GRM7: variants seen among roughly 807,000 people sequenced by gnomAD.
GRM7 encodes glutamate metabotropic receptor 7.
A neutral mutation model predicts 84.5 loss-of-function variants in GRM7; 35 were observed. That is an observed-to-expected ratio of 0.41 (90% CI 0.32 to 0.55). The LOEUF (loss-of-function observed/expected upper bound fraction) is 0.55. Among genes scored for constraint, GRM7 ranks in the 20% least tolerant of loss-of-function variants. The pLI is 0.19. For missense variants in GRM7, 1,003 were observed against 1,194.6 expected (o/e 0.84, Z 2.36); for synonymous variants, 487 against 455.1 (o/e 1.07, Z -0.89).
chr3:7,559,451 G>A (rs572677939), intron 7 of GRM7: 1 of 151,914 alleles, frequency 6.6e-6, no homozygotes, highest in Non-Finnish European at 1.5e-5. Context: ...CTCAGCCCTG[G>A]GTGCACATAA....
intron 8 of GRM7, among the ~76,000 whole-genome samples, chr3:7,590,197 T>G (rs1004896466): frequency 1.3e-4 from 20 of 152,132 alleles, no homozygotes; most frequent in African/African-American, 4.8e-4. Flanking sequence ...ATCACTTGCT[T>G]TTTCAAAAAC....
rs569576900 is a variant in GRM7 at position 6,922,282 on chromosome 3, G to C, written c.519+60375G>C. ...AGTTCCAGATAGAAATGAACAACCA[G>C]GAAGACGCTTGAAATGCTCTTATTT... is the stretch of plus-strand genomic sequence containing the variant. On this transcript the variant is annotated intron_variant, in intron 1 of 9. Coordinates refer to ENST00000357716, the MANE Select transcript of GRM7 (RefSeq NM_000844.4). 2.0e-5 allele frequency among the ~76,000 whole-genome samples: 3 copies of C among 152,330 alleles called. No homozygotes were observed. The South Asian group carries it at 6.2e-4, about 32-fold the overall frequency.
chr3:7,739,444 A>G (rs924940944), intron 9 of GRM7, among the ~76,000 whole-genome samples: 1 of 152,208 alleles, frequency 6.6e-6, no homozygotes, highest in Non-Finnish European at 1.5e-5. Flanking sequence ...ATGCTACACA[A>G]AAGTTACTCT....
chr3:7,504,916 G>GTCCAAAT (rs1284245255), intron 7 of GRM7, among the ~76,000 whole-genome samples: 1 of 152,066 alleles, frequency 6.6e-6, no homozygotes, highest in Admixed American at 6.6e-5. Flanking sequence ...AAAGTCCAAA[G>GTCCAAAT]TCCAGAGTCT....
chr3:7,322,835 A>C (rs1378055147), intron 4 of GRM7, among the ~76,000 whole-genome samples: 6 of 151,992 alleles, frequency 3.9e-5, no homozygotes, highest in Middle Eastern at 3.2e-3. Flanking sequence ...TGAAGCACAA[A>C]ATTCGTTATC....
chr3:7,599,308 G>A (rs55697389), intron 8 of GRM7, among the ~76,000 whole-genome samples: 26,263 of 151,908 alleles, frequency 0.17, 2,565 homozygotes, highest in Middle Eastern at 0.27. Context: ...ATATCTTTTT[G>A]TTAGTCTGTT....
At chr3:7,739,634 C>T (rs1232122271) in intron 9 of GRM7, among the ~76,000 whole-genome samples, 1 of 152,158 alleles carries the variant, frequency 6.6e-6, no homozygotes, top group Non-Finnish European at 1.5e-5. Context: ...ATTGGCTGGT[C>T]TTCAGTGCCT....
At chr3:7,035,080 A>G (rs1696337800) in intron 1 of GRM7, among the ~76,000 whole-genome samples, 2 of 152,252 alleles carry the variant, frequency 1.3e-5, no homozygotes, top group South Asian at 2.1e-4. Flanking sequence ...ACATCTTTGC[A>G]CTGGCTACCT....
At chr3:7,446,470 T>TC (rs1407066161) in intron 5 of GRM7, among the ~76,000 whole-genome samples, 1 of 149,480 alleles carries the variant, frequency 6.7e-6, no homozygotes, top group African/African-American at 2.5e-5. Flanking sequence ...TTTTGTTTTT[T>TC]TTTTTTTTGA....
chr3:7,610,033 G>A (rs1022850623), intron 8 of GRM7, among the ~76,000 whole-genome samples: 8 of 152,024 alleles, frequency 5.3e-5, no homozygotes, highest in Non-Finnish European at 1.0e-4. Context: ...TATGCTGGAT[G>A]TTTACATTTT....
At chr3:7,465,858 C>G (rs75230227) in intron 7 of GRM7, among the ~76,000 whole-genome samples, 2,314 of 152,128 alleles carry the variant, frequency 0.015, 45 homozygotes, top group African/African-American at 0.046. Context: ...CTGCTGTTCC[C>G]TGTGCAATTT....
In GRM7 at chr3:7,102,847, C is replaced by T. The variant is rs116335980; in HGVS notation, c.520-43605C>T. Among the ~76,000 whole-genome samples the T allele has an allele frequency of 8.5e-3, 1,297 of 151,826 alleles. 15 individuals carry two copies. The highest frequency in any genetic ancestry group is 0.03 in the African/African-American group (1,225 of 41,462). ...AATGTTCTGTTAAGCCATTCCAGTA[C>T]ATTTGTTTATATTGGTTTTGTTTTG... On this transcript the variant is annotated intron_variant, in intron 1 of 9. Coordinates refer to ENST00000357716, the MANE Select transcript of GRM7 (RefSeq NM_000844.4).
intron 2 of GRM7, among the ~76,000 whole-genome samples, chr3:7,271,607 T>C (rs1210046031): frequency 1.4e-5 from 2 of 145,464 alleles, no homozygotes; most frequent in Non-Finnish European, 3.0e-5. Flanking sequence ...TCTCAGGCCC[T>C]ACTCCAGACT....
chr3:7,605,101 A>C (rs991300149), intron 8 of GRM7, among the ~76,000 whole-genome samples: 1 of 152,120 alleles, frequency 6.6e-6, no homozygotes, highest in Admixed American at 6.5e-5. Context: ...ATTAAAAAGA[A>C]ATCTGAAAAT....
intron 1 of GRM7, among the ~76,000 whole-genome samples, chr3:7,046,300 G>A (rs1412035950): frequency 6.6e-6 from 1 of 152,212 alleles, no homozygotes; most frequent in South Asian, 2.1e-4. Flanking sequence ...TACGCTTAAA[G>A]TAGCAAGTGT....
intron 1 of GRM7, among the ~76,000 whole-genome samples, chr3:7,053,076 GT>G (rs74673256): frequency 1.4e-3 from 195 of 138,198 alleles, no homozygotes; most frequent in African/African-American, 3.3e-3. Context: ...TTTTTCTTGG[GT>G]TTTTTTTTTT....
chr3:6,946,359 C>A (rs1244527537), intron 1 of GRM7, among the ~76,000 whole-genome samples: 1 of 152,134 alleles, frequency 6.6e-6, no homozygotes, highest in East Asian at 1.9e-4. Context: ...TGTCAAAGAT[C>A]AGATAGTTGT....
chr3:7,087,422 T>C (rs941640105), intron 1 of GRM7, among the ~76,000 whole-genome samples: 2 of 151,572 alleles, frequency 1.3e-5, no homozygotes, highest in Admixed American at 1.3e-4. Context: ...AACCGAAAAA[T>C]TACTTGTAGG....
At chr3:7,161,853 C>T (rs1008112470) in intron 2 of GRM7, among the ~76,000 whole-genome samples, 3 of 152,104 alleles carry the variant, frequency 2.0e-5, no homozygotes, top group Admixed American at 6.6e-5. Flanking sequence ...ATATCTGTGC[C>T]CAATAAAAAC....
Sources: allele counts gnomAD v4.1 joint callset (sites outside exome capture counted in the v4.1 genomes callset), GRCh38; gene constraint gnomAD v4.1.1; transcripts MANE v1.5; gene names NCBI Gene and HGNC (gene_info 2026-07-23, HGNC 2026-07-21).